The following NAALADL2 variants were observed in gnomAD, a reference collection of about 807,000 sequenced individuals.
NAALADL2 encodes the protein inactive N-acetylated-alpha-linked acidic dipeptidase-like protein 2.
A neutral mutation model predicts 87.2 loss-of-function variants in NAALADL2; 76 were observed. The observed-to-expected ratio is 0.87, with a 90% CI of 0.72 to 1.05. NAALADL2 has a LOEUF of 1.05. Among genes scored for constraint, NAALADL2 ranks in the 50% least tolerant of loss-of-function variants. The probability of loss-of-function intolerance (pLI) is 0.00; values close to 1 mark genes in which losing one functional copy is unlikely to be tolerated. For missense variants in NAALADL2, 1,089 were observed against 945.8 expected (o/e 1.15, Z -1.99); for synonymous variants, 354 against 331.0 (o/e 1.07, Z -0.75).
chr3:175,429,405 G>T (rs908637057), intron 5 of NAALADL2, among the ~76,000 whole-genome samples: 1 of 151,792 alleles, frequency 6.6e-6, no homozygotes, highest in African/African-American at 2.4e-5. Context: ...GACCTCTTTT[G>T]TTTCCTCTGG....
intron 2 of NAALADL2, among the ~76,000 whole-genome samples, chr3:174,553,247 T>G (rs907494919): frequency 3.3e-5 from 5 of 152,178 alleles, no homozygotes; most frequent in African/African-American, 1.2e-4. Context: ...GCAAATGTTA[T>G]AATAATTAGA....
At chr3:175,326,396 T>C (rs1320864729) in intron 5 of NAALADL2, among the ~76,000 whole-genome samples, 1 of 152,200 alleles carries the variant, frequency 6.6e-6, no homozygotes, top group Admixed American at 6.5e-5. Context: ...CCAGAATTGC[T>C]GTTAATAATC....
At chr3:175,571,994 T>C (rs1356775378) in intron 9 of NAALADL2, among the ~76,000 whole-genome samples, 1 of 151,940 alleles carries the variant, frequency 6.6e-6, no homozygotes, top group Non-Finnish European at 1.5e-5. Flanking sequence ...AAGAATGAGG[T>C]AGACAAAGAA....
intron 5 of NAALADL2, among the ~76,000 whole-genome samples, chr3:175,366,781 T>G (rs1765644759): frequency 6.6e-6 from 1 of 151,420 alleles, no homozygotes; most frequent in Non-Finnish European, 1.5e-5. Flanking sequence ...ATGAGTAGGT[T>G]GCGAAAATTT....
At chr3:175,700,887 G>T (rs1738897748) in intron 11 of NAALADL2, among the ~76,000 whole-genome samples, 1 of 152,046 alleles carries the variant, frequency 6.6e-6, no homozygotes, top group Non-Finnish European at 1.5e-5. Context: ...ACTTGGCAAG[G>T]GAAAGGCAAA....
At chr3:174,848,031 T>C (rs1280292668) in intron 3 of NAALADL2, among the ~76,000 whole-genome samples, 1 of 151,574 alleles carries the variant, frequency 6.6e-6, no homozygotes, top group African/African-American at 2.4e-5. Context: ...ACTTCTTTGC[T>C]CCTTTTTATT....
chr3:175,752,988 T>C (rs1379798730), intron 12 of NAALADL2, among the ~76,000 whole-genome samples: 1 of 152,154 alleles, frequency 6.6e-6, no homozygotes, highest in East Asian at 1.9e-4. Context: ...CATCAAAATT[T>C]AGGACAAACT....
chr3:174,638,126 A>G (rs1199715638), intron 2 of NAALADL2, among the ~76,000 whole-genome samples: 1 of 152,194 alleles, frequency 6.6e-6, no homozygotes, highest in African/African-American at 2.4e-5. Flanking sequence ...TAATTTAAAT[A>G]AAAATATTTA....
chr3:174,445,786 A>G (rs555502631), intron 1 of NAALADL2, among the ~76,000 whole-genome samples: 3 of 152,208 alleles, frequency 2.0e-5, no homozygotes, highest in African/African-American at 7.2e-5. Flanking sequence ...AACAGAATAG[A>G]TATTTTTTCC....
intron 2 of NAALADL2, among the ~76,000 whole-genome samples, chr3:174,599,422 T>C (rs1399715041): frequency 6.6e-6 from 1 of 152,114 alleles, no homozygotes; most frequent in Non-Finnish European, 1.5e-5. Context: ...TAATTATTCA[T>C]AGGCTCTTGG....
chr3:175,254,156 T>C (rs1749535321), intron 3 of NAALADL2, among the ~76,000 whole-genome samples: 1 of 152,134 alleles, frequency 6.6e-6, no homozygotes, highest in African/African-American at 2.4e-5. Flanking sequence ...AGAGAAATAT[T>C]TTATCAAAGG....
At chr3:175,100,412 A>G (rs969427198) in intron 2 of NAALADL2, among the ~76,000 whole-genome samples, 1 of 152,206 alleles carries the variant, frequency 6.6e-6, no homozygotes, top group Admixed American at 6.5e-5. Context: ...AAAAAGTTTA[A>G]CAAAACTATT....
chr3:174,694,353 C>T (rs566489831), intron 2 of NAALADL2, among the ~76,000 whole-genome samples: 2 of 152,126 alleles, frequency 1.3e-5, no homozygotes, highest in Non-Finnish European at 2.9e-5. Context: ...ACCTGATTCT[C>T]TAAGAAGAGG....
intron 10 of NAALADL2, among the ~76,000 whole-genome samples, chr3:175,611,509 C>T (rs962314380): frequency 6.6e-6 from 1 of 151,872 alleles, no homozygotes; most frequent in African/African-American, 2.4e-5. Context: ...AAAAAAGAGG[C>T]AATTTGTTTT....
intron 2 of NAALADL2, among the ~76,000 whole-genome samples, chr3:175,196,852 A>G (rs1739090998): frequency 1.3e-5 from 2 of 151,924 alleles, no homozygotes; most frequent in African/African-American, 2.4e-5. Flanking sequence ...GATCTAGGGT[A>G]CATATCAAGT....
intron 1 of NAALADL2, among the ~76,000 whole-genome samples, chr3:174,882,531 A>ATG (rs1729362897): frequency 1.3e-5 from 2 of 149,596 alleles, no homozygotes; most frequent in Non-Finnish European, 3.0e-5. Flanking sequence ...ATATACACAT[A>ATG]TATGCATACA....
chr3:175,520,149 A>ATTGT (rs1381792213), intron 9 of NAALADL2, among the ~76,000 whole-genome samples: 3 of 152,188 alleles, frequency 2.0e-5, no homozygotes, highest in African/African-American at 7.2e-5. Context: ...ACAATGCTAC[A>ATTGT]TAAGTGTTAA....
At chr3:174,676,679 C>T (rs1727070160) in intron 2 of NAALADL2, among the ~76,000 whole-genome samples, 1 of 151,762 alleles carries the variant, frequency 6.6e-6, no homozygotes, top group Non-Finnish European at 1.5e-5. Context: ...ATAAACTTTA[C>T]ATCACAAAAT....
intron 3 of NAALADL2, among the ~76,000 whole-genome samples, chr3:175,248,705 GT>G (rs1278096555): frequency 2.0e-5 from 3 of 152,182 alleles, no homozygotes; most frequent in Non-Finnish European, 4.4e-5. Flanking sequence ...TGGCCACTGT[GT>G]GAATGTATGA....
Sources: gnomAD v4.1 joint callset for allele counts (sites outside exome capture counted in the v4.1 genomes callset) on GRCh38, gnomAD v4.1.1 for gene constraint, MANE v1.5 for transcripts, NCBI Gene and HGNC (gene_info 2026-07-23, HGNC 2026-07-21) for gene names.